The following ADD3 variants were observed in gnomAD, a reference collection of about 807,000 sequenced individuals.
ADD3 encodes the protein adducin 3.
ADD3 carries 25 observed loss-of-function variants against 80.2 expected under a neutral mutation model. That is an observed-to-expected ratio of 0.31 (90% CI 0.23 to 0.44). ADD3 has a LOEUF of 0.44. Ranked by LOEUF, ADD3 falls within the 20% of genes least tolerant of loss-of-function variation. The probability of loss-of-function intolerance (pLI) is 1.00; values close to 1 mark genes in which losing one functional copy is unlikely to be tolerated. For missense variants in ADD3, 829 were observed against 847.5 expected, an observed-to-expected ratio of 0.98 and a Z score of 0.27; for synonymous variants, 284 against 289.6, an observed-to-expected ratio of 0.98 and a Z score of 0.20.
chr10:110,039,496 G>T (rs954145316), intron 1 of ADD3, among the ~76,000 whole-genome samples: 1 of 152,206 alleles, frequency 6.6e-6, no homozygotes, highest in Non-Finnish European at 1.5e-5. Context: ...TGCTAATTAT[G>T]TATATGAAAG....
At chr10:110,063,243 C>T (rs144360255) in intron 1 of ADD3, among the ~76,000 whole-genome samples, 14 of 152,298 alleles carry the variant, frequency 9.2e-5, no homozygotes, top group African/African-American at 3.4e-4. Flanking sequence ...AATACTGTAA[C>T]ACTGCTGTTG....
intron 1 of ADD3, among the ~76,000 whole-genome samples, chr10:110,009,319 A>G (rs1218445470): frequency 6.6e-6 from 1 of 152,110 alleles, no homozygotes; most frequent in Non-Finnish European, 1.5e-5. Context: ...AGCATTTTAG[A>G]TTTAGCAGTA....
intron 1 of ADD3, among the ~76,000 whole-genome samples, chr10:110,082,752 T>A (rs1210385110): frequency 6.6e-6 from 1 of 152,230 alleles, no homozygotes; most frequent in Non-Finnish European, 1.5e-5. Context: ...TTGCTCTTTT[T>A]ATGTATGTAT....
rs12256261 is a variant in ADD3, at chr10:110,063,991, A to G, written c.-29-36634A>G. 4.0e-3 allele frequency among the ~76,000 whole-genome samples: 613 copies of G among 151,840 alleles called. 9 individuals carry two copies. The highest frequency in any genetic ancestry group is 0.014 in the African/African-American group (563 of 41,410). On this transcript the variant is annotated intron_variant, in intron 1 of 14. Transcript: ENST00000356080. Reference sequence around the variant, plus strand: ...TGTTTCAGGATTTTATATACATGGAATCATTCAATATCTACTCTTTTGTCT... The same window carrying G: ...TGTTTCAGGATTTTATATACATGGAGTCATTCAATATCTACTCTTTTGTCT...
chr10:110,019,068 T>C (rs752640172), intron 1 of ADD3, among the ~76,000 whole-genome samples: 1 of 152,226 alleles, frequency 6.6e-6, no homozygotes, highest in Non-Finnish European at 1.5e-5. Context: ...TAAAAATCTG[T>C]ATTTGTCCAT....
intron 1 of ADD3, among the ~76,000 whole-genome samples, chr10:110,054,974 G>A (rs1857994680): frequency 6.6e-6 from 1 of 152,026 alleles, no homozygotes; most frequent in Non-Finnish European, 1.5e-5. Flanking sequence ...TGTTGGCCAG[G>A]CTGGTTTTGA....
At chr10:110,069,935 T>G (rs544433984) in intron 1 of ADD3, among the ~76,000 whole-genome samples, 1 of 152,350 alleles carries the variant, frequency 6.6e-6, no homozygotes, top group South Asian at 2.1e-4. Flanking sequence ...TTCCTGTAGC[T>G]TAAATTATAC....
At chr10:110,065,817 G>T (rs1843882216) in intron 1 of ADD3, among the ~76,000 whole-genome samples, 1 of 151,806 alleles carries the variant, frequency 6.6e-6, no homozygotes, top group East Asian at 1.9e-4. Context: ...TGGGATTACA[G>T]GTGTGAGCCA....
intron 12 of ADD3, among the ~76,000 whole-genome samples, chr10:110,126,717 GGTTA>G (rs1852203496): frequency 6.6e-6 from 1 of 152,254 alleles, no homozygotes; most frequent in East Asian, 1.9e-4. Flanking sequence ...TGGTGTTTCT[GGTTA>G]GTTAGTTGAG....
chr10:110,028,365 G>T (rs1351350855), intron 1 of ADD3, among the ~76,000 whole-genome samples: 1 of 151,666 alleles, frequency 6.6e-6, no homozygotes, highest in African/African-American at 2.4e-5. Flanking sequence ...CCTGAAGTCA[G>T]GAGTTCGAGA....
rs771954709 is a variant in ADD3 at position 110,118,683 on chromosome 10, A to G, written c.664A>G (p.Thr222Ala). ...GFSPHAAIYSTRPDVKCVIHI... is the reference protein window; with the variant it reads ...GFSPHAAIYSARPDVKCVIHI... ...CAGTCCCCATGCTGCAATCTATTCAACACGTCCTGATGTTAAGTGTGTGAT... is the reference window on the plus strand; with the variant it reads ...CAGTCCCCATGCTGCAATCTATTCAGCACGTCCTGATGTTAAGTGTGTGAT... Residue 222 changes from threonine (T) to alanine (A), a missense_variant, in exon 6 of 15, where the codon ACA (threonine) becomes GCA (alanine). Transcript: ENST00000356080. The G allele has an allele frequency of 1.9e-5, 30 of 1,614,134 alleles. No homozygotes were observed. Among genetic ancestry groups the G allele is most frequent in the Non-Finnish European group, 2.5e-5 (30 of 1,179,998 alleles).
chr10:110,063,724 ATATATATATTCAT>A (rs1425580228), intron 1 of ADD3, among the ~76,000 whole-genome samples: 182 of 120,648 alleles, frequency 1.5e-3, no homozygotes, highest in Non-Finnish European at 2.4e-3. Flanking sequence ...ATGAATATGA[ATATATATATTCAT>A]TATATATATA....
intron 1 of ADD3, among the ~76,000 whole-genome samples, chr10:109,997,259 G>C (rs1851398952): frequency 6.6e-6 from 1 of 152,152 alleles, no homozygotes; most frequent in Non-Finnish European, 1.5e-5. Context: ...ATGCTAGGAA[G>C]AGATTATCTG....
chr10:110,088,191 A>G lies in ADD3; in HGVS notation c.-29-12434A>G, dbSNP rs117894513. Among the ~76,000 whole-genome samples the G allele has an allele frequency of 1.1e-3, 167 of 152,306 alleles. 1 individual carries two copies. The East Asian group carries it at 0.031, about 29-fold the overall frequency. On this transcript the variant is annotated intron_variant, in intron 1 of 14. Transcript: ENST00000356080. Reference sequence around the variant, plus strand: ...TACAAACCCTATTTTCAAATAGGCCACACTGTGAGCTTCTGGGGACATGAA... The same window carrying G: ...TACAAACCCTATTTTCAAATAGGCCGCACTGTGAGCTTCTGGGGACATGAA...
intron 1 of ADD3, among the ~76,000 whole-genome samples, chr10:110,068,891 A>G (rs992084952): frequency 6.6e-6 from 1 of 152,088 alleles, no homozygotes; most frequent in Non-Finnish European, 1.5e-5. Context: ...AGCCTGGGCA[A>G]CGTGGTGAGA....
intron 1 of ADD3, among the ~76,000 whole-genome samples, chr10:110,028,644 G>A (rs1854602172): frequency 6.6e-6 from 1 of 152,140 alleles, no homozygotes; most frequent in South Asian, 2.1e-4. Context: ...GAGTCTCTAA[G>A]CATTGTGGTT....
intron 1 of ADD3, among the ~76,000 whole-genome samples, chr10:110,014,105 A>ATTC (rs1852645802): frequency 6.6e-6 from 1 of 152,212 alleles, no homozygotes; most frequent in African/African-American, 2.4e-5. Flanking sequence ...CTCCTGAAGA[A>ATTC]GATAGTTAGG....
chr10:110,076,049 A>G (rs1845341420), intron 1 of ADD3, among the ~76,000 whole-genome samples: 2 of 152,114 alleles, frequency 1.3e-5, no homozygotes, highest in African/African-American at 4.8e-5. Flanking sequence ...TAAAAATAAT[A>G]TTTTCCTGGT....
rs1415069007 is a variant in ADD3 at position 110,135,289 on chromosome 10, T to C, written c.*1671T>C. ...ATGTTCTACATCATTTATGTTGTAT[T>C]ACAATGTATGTAGAAATAGTAACCT... On this transcript the variant is annotated 3_prime_UTR_variant, in exon 15 of 15. Coordinates refer to ENST00000356080, the MANE Select transcript of ADD3 (RefSeq NM_016824.5). 5 of 152,680 alleles carry C rather than the reference T, an allele frequency of 3.3e-5. No homozygotes were observed. The highest frequency in any genetic ancestry group is 1.2e-4 in the African/African-American group (5 of 41,466). 9.5% of individuals were successfully genotyped at this position (152,680 alleles called of 1,614,324 possible).
Sources: allele counts gnomAD v4.1 joint callset (sites outside exome capture counted in the v4.1 genomes callset), GRCh38; gene constraint gnomAD v4.1.1; transcripts MANE v1.5; gene names NCBI Gene and HGNC (gene_info 2026-07-23, HGNC 2026-07-21).